SPAG4: variants seen among roughly 807,000 people sequenced by gnomAD.
SPAG4 encodes sperm-associated antigen 4 protein.
A neutral mutation model predicts 53.9 loss-of-function variants in SPAG4; 54 were observed. That is an observed-to-expected ratio of 1.00 (90% confidence interval 0.80 to 1.26). SPAG4 has a LOEUF of 1.26. Ranked by LOEUF, SPAG4 falls within the 50% of genes most tolerant of loss-of-function variation. SPAG4 has a pLI of 0.00. For missense variants in SPAG4, 548 were observed against 568.6 expected, an observed-to-expected ratio of 0.96 and a Z score of 0.37; for synonymous variants, 246 against 237.4, an observed-to-expected ratio of 1.04 and a Z score of -0.33.
In SPAG4 at chr20:35,617,782, G is replaced by A; in HGVS notation, c.480G>A (p.Glu160=). The change falls in exon 4 of 12, where the codon GAG becomes GAA. Residue 160 remains glutamate, a synonymous_variant. Coordinates refer to ENST00000374273, the MANE Select transcript of SPAG4 (RefSeq NM_003116.3). ...CAGCCTCCCTCCGGTTCCCCAGGGA[G>A]GTCTGTTCCATCCGCTTCCTGTTCA... The part of the protein sequence containing the change: ...AGDVLVSMYR[E]VCSIRFLFTA... The A allele has an allele frequency of 6.2e-7, 1 of 1,613,998 alleles. No homozygotes were observed. The highest frequency in any genetic ancestry group is 8.5e-7 in the Non-Finnish European group (1 of 1,179,922).
chr20:35,619,475 AG>A (rs2031501311), intron 9 of SPAG4, 103 bp from the exon 10 acceptor site: 11 of 1,488,668 alleles, frequency 7.4e-6, no homozygotes, highest in Non-Finnish European at 1.0e-5. Context: ...CTGGAGGTGG[AG>A]CTCTGGGCGG....
intron 4 of SPAG4, 70 bp from the exon 5 acceptor site, chr20:35,618,017 C>T: frequency 6.5e-7 from 1 of 1,529,752 alleles, no homozygotes. Context: ...CCTCTTTCCA[C>T]TGTCCCCCTA....
At chr20:35,617,368 C>T (rs2031423295) in intron 2 of SPAG4, 128 bp downstream of exon 2, 10 of 947,550 alleles carry the variant, frequency 1.1e-5, no homozygotes, top group East Asian at 2.6e-5. Context: ...CATTCCTAGC[C>T]CCCATCCAAT....
At chr20:35,616,501 G>A in intron 1 of SPAG4, 194 bp downstream of exon 1, 1 of 606,832 alleles carries the variant, frequency 1.6e-6, no homozygotes, top group Non-Finnish European at 2.1e-6. Flanking sequence ...GGAAGGGGCG[G>A]GGAAAATCTT....
intron 7 of SPAG4, 24 bp from the exon 8 acceptor site, chr20:35,618,899 A>G: frequency 1.2e-6 from 2 of 1,610,904 alleles, no homozygotes; most frequent in Non-Finnish European, 1.7e-6. Flanking sequence ...TCGCCCCTCC[A>G]GGCCTCGCCC....
chr20:35,620,702 G>A lies in SPAG4; in HGVS notation c.1096G>A (p.Glu366Lys), dbSNP rs780917637. The change falls in exon 11 of 12, where the codon GAA (glutamate) becomes AAA (lysine). Residue 366 changes from glutamate (E) to lysine (K), a missense_variant. Glu to Lys is a moderately conservative substitution (Grantham distance 56, BLOSUM62 1). Transcript: ENST00000374273. ...FAVFGLQVYD[E>K]TEVSLGKFTF... ...CCACCAGGGCCTCCAGGTTTATGAT[G>A]AAACTGAAGTTTCCTTGGGGAAATT... 5 of 1,388,010 alleles carry A rather than the reference G, an allele frequency of 3.6e-6. No homozygotes were observed. The highest frequency in any genetic ancestry group is 4.8e-6 in the Non-Finnish European group (5 of 1,044,630). 86.0% of individuals were successfully genotyped at this position (1,388,010 alleles called of 1,614,324 possible).
intron 4 of SPAG4, 114 bp downstream of exon 4, chr20:35,617,954 C>T (rs1205349909): frequency 3.0e-6 from 4 of 1,336,654 alleles, no homozygotes; most frequent in Non-Finnish European, 4.3e-6. Context: ...CTGCAGAACC[C>T]CCTAATTCCC....
At chr20:35,618,045 C>A (rs375217523) in intron 4 of SPAG4, 42 bp from the exon 5 acceptor site, 4 of 1,602,700 alleles carry the variant, frequency 2.5e-6, no homozygotes, top group Non-Finnish European at 3.4e-6. Context: ...GAAACCCATT[C>A]TCTTCCTTTT....
chr20:35,616,384 T>C lies in SPAG4; in HGVS notation c.304+77T>C, dbSNP rs1053082496. The C allele has an allele frequency of 3.2e-5, 46 of 1,421,576 alleles. No individual in the cohort carries two copies. In the East Asian group the frequency reaches 3.4e-4, roughly 11 times the overall value. The allele number at this position is 1,421,576 out of a possible 1,614,324, so 88.1% of individuals were successfully genotyped here. On this transcript the variant is annotated intron_variant, in intron 1 of 11. Coordinates refer to ENST00000374273, the MANE Select transcript of SPAG4 (RefSeq NM_003116.3). ...GGGCGGTGCTGGGCGGGGACGGGGC[T>C]AAGATGATATCTGGGCACCTCCTAC... is the stretch of plus-strand genomic sequence containing the variant.
At chr20:35,617,025 A>G (rs1286153055) in intron 1 of SPAG4, 111 bp from the exon 2 acceptor site, 2 of 710,540 alleles carry the variant, frequency 2.8e-6, no homozygotes, top group African/African-American at 3.5e-5. Flanking sequence ...AAAGCCTGTG[A>G]GAGACTTCCC....
intron 5 of SPAG4, 148 bp downstream of exon 5, chr20:35,618,278 T>C (rs1287821905): frequency 1.3e-5 from 14 of 1,091,458 alleles, no homozygotes; most frequent in Admixed American, 2.4e-5. Context: ...AACAGACTTA[T>C]GAGGGATTGT....
chr20:35,617,557 G>A lies in SPAG4; in HGVS notation c.447G>A (p.Leu149=), dbSNP rs968750594. ...LFQGLSVLLS[L]AGDVLVSMYR... ...AGGGGCTGAGCGTGTTGTTATCCCT[G>A]GCAGGAGACGTGCTGGTCAGCATGT... Residue 149 remains leucine (L), a synonymous_variant, in exon 3 of 12, where the codon CTG becomes CTA. Coordinates refer to ENST00000374273, the MANE Select transcript of SPAG4 (RefSeq NM_003116.3). 2.5e-6 allele frequency: 4 copies of A among 1,605,126 alleles called. No homozygotes were observed. The highest frequency in any genetic ancestry group is 3.4e-6 in the Non-Finnish European group (4 of 1,175,544).
At chr20:35,617,963 C>T in intron 4 of SPAG4, 123 bp downstream of exon 4, 1 of 1,342,000 alleles carries the variant, frequency 7.5e-7, no homozygotes, top group South Asian at 1.2e-5. Context: ...CCCCTAATTC[C>T]CCCTCAGACT....
chr20:35,620,679 A>G lies in SPAG4; in HGVS notation c.1078-5A>G, dbSNP rs1394977380. ...TAGTTCCTCCTTTCATTCTTCACCC[A>G]CCAGGGCCTCCAGGTTTATGATGAA... is the stretch of plus-strand genomic sequence containing the variant. On this transcript the variant is annotated splice_polypyrimidine_tract_variant and splice_region_variant and intron_variant, in intron 10 of 11. Transcript: ENST00000374273. 1.6e-6 allele frequency: 2 copies of G among 1,266,368 alleles called. No individual in the cohort carries two copies. Among genetic ancestry groups the G allele is most frequent in the South Asian group, 1.2e-5 (1 of 83,028 alleles). 78.4% of individuals were successfully genotyped at this position (1,266,368 alleles called of 1,614,324 possible). A position where few individuals can be genotyped will look rare whatever the true frequency, so the allele number is the denominator to read the frequency against.
rs1568897368 is a variant in SPAG4 at position 35,616,048 on chromosome 20, G to C, written c.45G>C (p.Lys15Asn). ...CGGGCTCGGCCTCGTCCTCGCGCAA[G>C]CACACGCCCAACTTTTTCAGCGAGA... is the stretch of plus-strand genomic sequence containing the variant. ...SRPGSASSSR[K>N]HTPNFFSENS... The change falls in exon 1 of 12, where the codon AAG becomes AAC. Residue 15 changes from lysine (K) to asparagine (N), a missense_variant. Lys to Asn is a moderately conservative substitution (Grantham distance 94). Transcript: ENST00000374273. The C allele has an allele frequency of 6.2e-7, 1 of 1,608,862 alleles. No individual in the cohort carries two copies. The highest frequency in any genetic ancestry group is 8.5e-7 in the Non-Finnish European group (1 of 1,177,672).
Position 35,617,781 on chromosome 20 carries a change from A to G in SPAG4, c.479A>G (p.Glu160Gly), listed in dbSNP as rs2031437302. 6.2e-7 allele frequency: 1 copy of G among 1,613,708 alleles called. No individual in the cohort carries two copies. Among genetic ancestry groups the G allele is most frequent in the Non-Finnish European group, 8.5e-7 (1 of 1,179,912 alleles). ...AGDVLVSMYR[E>G]VCSIRFLFTA... ...TCAGCCTCCCTCCGGTTCCCCAGGG[A>G]GGTCTGTTCCATCCGCTTCCTGTTC... The change falls in exon 4 of 12, where the codon GAG becomes GGG. Residue 160 changes from glutamate (E) to glycine (G), a missense_variant and splice_region_variant. Glu to Gly is a moderately conservative substitution (Grantham distance 98, BLOSUM62 -2). Coordinates refer to ENST00000374273, the MANE Select transcript of SPAG4 (RefSeq NM_003116.3).
At chr20:35,617,745 A>G (rs1280896360) in intron 3 of SPAG4, 34 bp from the exon 4 acceptor site, 1 of 1,607,216 alleles carries the variant, frequency 6.2e-7, no homozygotes, top group African/African-American at 1.3e-5. Flanking sequence ...AGGGTTGAGC[A>G]GGTCGGGGCC....
Position 35,616,134 on chromosome 20 carries a change from C to G in SPAG4, c.131C>G (p.Pro44Arg), listed in dbSNP as rs767715875. 2.5e-6 allele frequency: 4 copies of G among 1,605,148 alleles called. No homozygotes were observed. The South Asian group carries it at 3.3e-5, about 13-fold the overall frequency. ...GGGCTCCGGTCAGCGGAGCCCGGGC[C>G]TGGGGAGCCCGAGGGCAGAAGAGCC... ...SKGLRSAEPG[P>R]GEPEGRRARG... is the part of the protein sequence containing the mutation. Residue 44 changes from proline to arginine, a missense_variant, in exon 1 of 12, where the codon CCT (proline) becomes CGT (arginine). Coordinates refer to ENST00000374273, the MANE Select transcript of SPAG4 (RefSeq NM_003116.3).
intron 7 of SPAG4, 24 bp downstream of exon 7, chr20:35,618,744 A>G: frequency 6.6e-7 from 1 of 1,522,850 alleles, no homozygotes; most frequent in South Asian, 1.2e-5. Context: ...CACCTTGGAA[A>G]CCCCTGATGG....
Sources: allele counts gnomAD v4.1 joint callset, GRCh38; gene constraint gnomAD v4.1.1; transcripts MANE v1.5; gene names NCBI Gene and HGNC (gene_info 2026-07-23, HGNC 2026-07-21).